The following OR6N1 variants were observed in gnomAD, a reference collection of about 807,000 sequenced individuals.
OR6N1 encodes the protein olfactory receptor 6N1.
For synonymous variants in OR6N1, 170 were observed against 150.7 expected, an observed-to-expected ratio of 1.13 and a Z score of -0.94; for missense variants, 394 against 371.7, an observed-to-expected ratio of 1.06 and a Z score of -0.49.
chr1:158,801,872 T>A, the OR6N1 span, among the ~76,000 whole-genome samples: 2 of 152,188 alleles, frequency 1.3e-5, no homozygotes, highest in African/African-American at 4.8e-5. Context: ...GTACCACCCC[T>A]GCCCATTACC....
the OR6N1 span, among the ~76,000 whole-genome samples, chr1:158,802,821 G>A: frequency 3.3e-5 from 5 of 151,916 alleles, no homozygotes. Flanking sequence ...TATTACCCAG[G>A]CATCTTCATG....
chr1:158,774,828 G>A (rs1657541706), upstream of OR6N1: 1 of 152,198 alleles, frequency 6.6e-6, no homozygotes, highest in Non-Finnish European at 1.5e-5. Flanking sequence ...ACAAGTTGAG[G>A]TGGGATGTGC....
chr1:158,799,816 A>G, the OR6N1 span, among the ~76,000 whole-genome samples: 1 of 152,140 alleles, frequency 6.6e-6, no homozygotes, highest in African/African-American at 2.4e-5. Flanking sequence ...GGGTGGCTGG[A>G]CAAGACTTGT....
the OR6N1 span, among the ~76,000 whole-genome samples, chr1:158,819,047 G>T: frequency 6.6e-6 from 1 of 152,138 alleles, no homozygotes; most frequent in East Asian, 1.9e-4. Flanking sequence ...GAGAAGCAAG[G>T]GAACAGTTCC....
At chr1:158,799,935 G>A in the OR6N1 span, among the ~76,000 whole-genome samples, 1 of 152,046 alleles carries the variant, frequency 6.6e-6, no homozygotes, top group Non-Finnish European at 1.5e-5. Flanking sequence ...GCCTACATGT[G>A]TTGCATGGTG....
the OR6N1 span, among the ~76,000 whole-genome samples, chr1:158,822,207 G>A: frequency 6.6e-6 from 1 of 152,072 alleles, no homozygotes; most frequent in South Asian, 2.1e-4. Context: ...GGTTCCATAT[G>A]AATTCTAAAA....
the OR6N1 span, among the ~76,000 whole-genome samples, chr1:158,794,473 C>T: frequency 4.6e-5 from 7 of 152,148 alleles, no homozygotes; most frequent in Non-Finnish European, 8.8e-5. Flanking sequence ...TCCTCTGGGT[C>T]GAGCCACCCA....
the OR6N1 span, among the ~76,000 whole-genome samples, chr1:158,834,777 G>T: frequency 3.9e-5 from 6 of 152,162 alleles, no homozygotes; most frequent in African/African-American, 1.2e-4. Flanking sequence ...TTAGATATTT[G>T]ATATACTTTG....
At chr1:158,778,267 T>C in the OR6N1 span, among the ~76,000 whole-genome samples, 62 of 152,218 alleles carry the variant, frequency 4.1e-4, no homozygotes, top group African/African-American at 1.4e-3. Flanking sequence ...GAAGCAGACA[T>C]CTCAATAGGA....
the OR6N1 span, among the ~76,000 whole-genome samples, chr1:158,831,762 T>C: frequency 6.6e-6 from 1 of 152,182 alleles, no homozygotes; most frequent in Admixed American, 6.5e-5. Context: ...AAAAAATGTA[T>C]TTTGTCTACA....
intron 1 of OR6N1, 66 bp from the exon 2 acceptor site, chr1:158,766,766 C>T (rs1571601705): frequency 2.1e-6 from 2 of 960,066 alleles, no homozygotes; most frequent in East Asian, 2.6e-5. Context: ...AGAAGGCAAC[C>T]CTCAAATTAC....
the OR6N1 span, among the ~76,000 whole-genome samples, chr1:158,839,419 A>G: frequency 6.6e-6 from 1 of 152,132 alleles, no homozygotes; most frequent in East Asian, 1.9e-4. Flanking sequence ...TCCTCTATCC[A>G]TAATCTCTTG....
At chr1:158,830,600 A>C in the OR6N1 span, among the ~76,000 whole-genome samples, 1 of 149,426 alleles carries the variant, frequency 6.7e-6, no homozygotes, top group Non-Finnish European at 1.5e-5. Flanking sequence ...TCTTCACAGG[A>C]AAAAAAAATT....
At chr1:158,772,611 T>C (rs1206057010), upstream of OR6N1, among the ~76,000 whole-genome samples, 5 of 152,202 alleles carry the variant, frequency 3.3e-5, no homozygotes, top group Non-Finnish European at 5.9e-5. Flanking sequence ...ACTGGGGACA[T>C]AAATATCATC....
the OR6N1 span, among the ~76,000 whole-genome samples, chr1:158,787,635 T>TCTCTCTCTCACACACACACACACA: frequency 1.5e-5 from 2 of 134,204 alleles, no homozygotes; most frequent in Non-Finnish European, 3.2e-5. Context: ...TCTCTCTCTC[T>TCTCTCTCTCACACACACACACACA]CACACACACA....
chr1:158,798,188 T>TTAGGAACCAACATTTTTATTAG, the OR6N1 span, among the ~76,000 whole-genome samples: 1 of 151,830 alleles, frequency 6.6e-6, no homozygotes, highest in Non-Finnish European at 1.5e-5. Context: ...ATTTTTATTT[T>TTAGGAACCAACATTTTTATTAG]TAGGAACCAA....
chr1:158,832,411 A>C, the OR6N1 span, among the ~76,000 whole-genome samples: 4 of 151,858 alleles, frequency 2.6e-5, no homozygotes, highest in Admixed American at 1.3e-4. Context: ...TTGTTCTTTC[A>C]GTAACTGAGA....
At chr1:158,809,561 A>G in the OR6N1 span, among the ~76,000 whole-genome samples, 3 of 152,076 alleles carry the variant, frequency 2.0e-5, no homozygotes, top group Admixed American at 2.0e-4. Context: ...TCCCATTTTA[A>G]TCCCTTTCTA....
chr1:158,782,666 G>C, the OR6N1 span, among the ~76,000 whole-genome samples: 1 of 152,184 alleles, frequency 6.6e-6, no homozygotes. Context: ...ATAATTCCAT[G>C]ATTAGGTATC....
Sources: gnomAD v4.1 joint callset for allele counts (sites outside exome capture counted in the v4.1 genomes callset) on GRCh38, gnomAD v4.1.1 for gene constraint, MANE v1.5 for transcripts, NCBI Gene and HGNC (gene_info 2026-07-23, HGNC 2026-07-21) for gene names.